PREX2: variants seen among roughly 807,000 people sequenced by gnomAD.
PREX2 encodes phosphatidylinositol 3,4,5-trisphosphate-dependent Rac exchanger 2 protein.
Under a neutral mutation model 203.2 loss-of-function variants are expected in PREX2, and 107 were observed. The observed-to-expected ratio is 0.53, with a 90% CI of 0.45 to 0.62. PREX2 has a LOEUF of 0.62. PREX2 is among the 20% of genes least tolerant of loss of function. The pLI, the probability that PREX2 is intolerant of heterozygous loss-of-function variation, is 0.00. For missense variants in PREX2, 1,777 were observed against 1,955.9 expected, an observed-to-expected ratio of 0.91 and a Z score of 1.72; for synonymous variants, 672 against 663.6, an observed-to-expected ratio of 1.01 and a Z score of -0.19.
At position 68,019,668 on chromosome 8, in the gene PREX2, C is replaced by T. The variant is rs61753698; in HGVS notation, c.333C>T (p.His111=). ...AQQEVGTCFL[H]FKDKFRIYDE... Reference sequence around the variant, plus strand: ...AAGAAGTGGGAACCTGCTTTCTTCACTTTGTAGGATAAATTTCTTTTTATT... The same window carrying T: ...AAGAAGTGGGAACCTGCTTTCTTCATTTTGTAGGATAAATTTCTTTTTATT... Residue 111 remains histidine, a synonymous_variant, in exon 3 of 40, where the codon CAC becomes CAT. Coordinates refer to ENST00000288368, the MANE Select transcript of PREX2 (RefSeq NM_024870.4). The T allele has an allele frequency of 2.5e-6, 4 of 1,601,448 alleles. No homozygotes were observed. The highest frequency in any genetic ancestry group is 1.1e-5 in the South Asian group (1 of 87,784).
chr8:68,085,799 G>A (rs907693236), intron 18 of PREX2, among the ~76,000 whole-genome samples: 3 of 152,286 alleles, frequency 2.0e-5, no homozygotes, highest in Middle Eastern at 3.4e-3. Flanking sequence ...AAAGATTAGA[G>A]TCAACCTTCC....
chr8:68,071,911 C>T (rs1809206726), intron 13 of PREX2, among the ~76,000 whole-genome samples: 1 of 152,046 alleles, frequency 6.6e-6, no homozygotes, highest in African/African-American at 2.4e-5. Flanking sequence ...TTTCTTTACT[C>T]TACAGATTTT....
At chr8:68,059,284 C>T (rs960547097) in intron 10 of PREX2, among the ~76,000 whole-genome samples, 33 of 116,052 alleles carry the variant, frequency 2.8e-4, no homozygotes, top group Admixed American at 9.8e-4. Context: ...CTTAATGATA[C>T]CACGTGACCT....
At chr8:68,155,211 C>T (rs140209378) in intron 34 of PREX2, among the ~76,000 whole-genome samples, 2,769 of 152,038 alleles carry the variant, frequency 0.018, 31 homozygotes, top group Middle Eastern at 0.037. Context: ...ATCAGTATAC[C>T]AAAGTGTCAT....
chr8:68,189,473 C>T (rs571706890), intron 35 of PREX2, among the ~76,000 whole-genome samples: 5 of 152,082 alleles, frequency 3.3e-5, no homozygotes, highest in Non-Finnish European at 7.3e-5. Flanking sequence ...GCACTCCTCT[C>T]AGATTATATC....
At chr8:68,225,895 A>G (rs938559356) in intron 39 of PREX2, among the ~76,000 whole-genome samples, 3 of 152,220 alleles carry the variant, frequency 2.0e-5, no homozygotes, top group African/African-American at 7.2e-5. Flanking sequence ...ATAAGAAAAC[A>G]AGACCATGGC....
chr8:68,135,099 T>TATGTGTGTGTGTGTGTG (rs58263470), intron 32 of PREX2, among the ~76,000 whole-genome samples: 1 of 148,790 alleles, frequency 6.7e-6, no homozygotes, highest in Admixed American at 6.7e-5. Flanking sequence ...AAAACAAATT[T>TATGTGTGTGTGTGTGTG]TGTGTGTGTG....
intron 17 of PREX2, among the ~76,000 whole-genome samples, chr8:68,081,215 G>A (rs984943543): frequency 4.6e-5 from 7 of 152,096 alleles, no homozygotes; most frequent in African/African-American, 1.7e-4. Context: ...ATAAGGTATG[G>A]TCAACATAGA....
intron 8 of PREX2, among the ~76,000 whole-genome samples, chr8:68,051,891 A>G (rs1003891784): frequency 2.0e-5 from 3 of 152,154 alleles, no homozygotes; most frequent in Non-Finnish European, 2.9e-5. Context: ...TTTTGACTCA[A>G]AAGTAATCTG....
At chr8:68,018,728 A>G (rs1421233961) in intron 2 of PREX2, among the ~76,000 whole-genome samples, 1 of 148,956 alleles carries the variant, frequency 6.7e-6, no homozygotes, top group East Asian at 1.9e-4. Flanking sequence ...AACAGTCTTG[A>G]AAAAAAAGGA....
intron 4 of PREX2, 87 bp downstream of exon 4, chr8:68,022,227 A>C: frequency 2.8e-6 from 2 of 713,384 alleles, no homozygotes; most frequent in Non-Finnish European, 5.1e-6. Flanking sequence ...ATGGAGTAAA[A>C]ATCTGTGGGA....
chr8:67,962,202 C>T (rs973640115), intron 1 of PREX2, among the ~76,000 whole-genome samples: 1 of 152,158 alleles, frequency 6.6e-6, no homozygotes, highest in African/African-American at 2.4e-5. Context: ...GATGGTGACA[C>T]ATTTTCAGAG....
intron 5 of PREX2, among the ~76,000 whole-genome samples, chr8:68,029,500 A>G (rs1326950752): frequency 6.6e-6 from 1 of 152,198 alleles, no homozygotes; most frequent in Non-Finnish European, 1.5e-5. Flanking sequence ...ACAAGGTGTG[A>G]ACATAATGAA....
chr8:67,960,520 G>A (rs751016983), intron 1 of PREX2, among the ~76,000 whole-genome samples: 9 of 152,092 alleles, frequency 5.9e-5, no homozygotes, highest in Non-Finnish European at 1.2e-4. Context: ...AATAGAAGAA[G>A]GTTCTGAGAA....
chr8:68,159,125 G>A (rs28784981), intron 35 of PREX2, among the ~76,000 whole-genome samples: 6,939 of 152,106 alleles, frequency 0.046, 532 homozygotes, highest in African/African-American at 0.16. Flanking sequence ...TTAAATCCAG[G>A]TTCTTCTTTA....
At chr8:67,964,968 G>T (rs1357121073) in intron 1 of PREX2, among the ~76,000 whole-genome samples, 1 of 152,152 alleles carries the variant, frequency 6.6e-6, no homozygotes, top group Non-Finnish European at 1.5e-5. Flanking sequence ...TCTGGATTGT[G>T]GGAATGGTGT....
In PREX2 at chr8:68,234,395, G is replaced by A. The variant is rs1324271530; in HGVS notation, c.*3017G>A. ...AACCTAAAAGGGAAGGTCATGCATA[G>A]AAAGTTTGGATTTTAACTTAGAGCC... On this transcript the variant is annotated 3_prime_UTR_variant, in exon 40 of 40. Coordinates refer to ENST00000288368, the MANE Select transcript of PREX2 (RefSeq NM_024870.4). 3 of 152,156 alleles carry A rather than the reference G, an allele frequency of 2.0e-5. No homozygotes were observed. In the South Asian group the frequency reaches 6.2e-4, roughly 32 times the overall value. The allele number at this position is 152,156 out of a possible 1,614,324, so 9.4% of individuals were successfully genotyped here.
intron 31 of PREX2, among the ~76,000 whole-genome samples, chr8:68,132,262 T>C (rs1224794940): frequency 6.6e-6 from 1 of 152,024 alleles, no homozygotes; most frequent in East Asian, 1.9e-4. Context: ...AAAATAGGTG[T>C]TTAGTTTTTT....
chr8:68,135,143 A>G (rs755258803), intron 32 of PREX2, among the ~76,000 whole-genome samples: 8 of 118,136 alleles, frequency 6.8e-5, no homozygotes, highest in Non-Finnish European at 9.8e-5. Context: ...TATGATAGGA[A>G]GCCTACTTTT....
Sources: allele counts gnomAD v4.1 joint callset (sites outside exome capture counted in the v4.1 genomes callset), GRCh38; gene constraint gnomAD v4.1.1; transcripts MANE v1.5; gene names NCBI Gene and HGNC (gene_info 2026-07-23, HGNC 2026-07-21).